Variants in CNOT3 observed in about 807,000 individuals in gnomAD.
CNOT3 encodes CCR4-NOT transcription complex subunit 3.
Under a neutral mutation model 89.4 loss-of-function variants are expected in CNOT3, and 2 were observed. The ratio of observed to expected loss-of-function variants is 0.02; its 90% CI spans 0.01 to 0.07. CNOT3 has a LOEUF of 0.07. CNOT3 is among the 10% of genes least tolerant of loss of function. The pLI, the probability that CNOT3 is intolerant of heterozygous loss-of-function variation, is 1.00. For missense variants in CNOT3, 664 were observed against 1,010.2 expected (o/e 0.66, Z 4.65); for synonymous variants, 486 against 402.0 (o/e 1.21, Z -2.50).
At position 54,145,370 on chromosome 19, in the gene CNOT3, A is replaced by C. The variant is rs182401992; in HGVS notation, c.484-228A>C. ...TTTCCAAGGACTCCTGGAGCCAGAA[A>C]GGTGTGGGGAGAGGAGGGAGCAGTG... On this transcript the variant is annotated intron_variant, in intron 7 of 17. Transcript: ENST00000221232. The surrounding 1 kb of genome is among the most constrained non-coding windows in gnomAD (Gnocchi z 5.9). Among the ~76,000 whole-genome samples, 1 of 152,088 alleles carries C rather than the reference A, an allele frequency of 6.6e-6. No homozygotes were observed. Among genetic ancestry groups the C allele is most frequent in the Non-Finnish European group, 1.5e-5 (1 of 67,994 alleles).
chr19:54,138,874 C>G (rs2074333605), intron 1 of CNOT3, among the ~76,000 whole-genome samples: 2 of 152,210 alleles, frequency 1.3e-5, no homozygotes, highest in African/African-American at 2.4e-5. Context: ...TGGCCCACGT[C>G]TGGTCTCAGC....
intron 2 of CNOT3, 53 bp from the exon 3 acceptor site, chr19:54,143,066 T>A: frequency 6.2e-7 from 1 of 1,612,582 alleles, no homozygotes; most frequent in Non-Finnish European, 8.5e-7. Context: ...GACTGCTCTT[T>A]AGATACCTGC....
rs760806233 is a variant in CNOT3, at chr19:54,155,411, C to T, written c.*4C>T. The T allele has an allele frequency of 1.5e-5, 23 of 1,577,218 alleles. No individual in the cohort carries two copies. Among genetic ancestry groups the T allele is most frequent in the South Asian group, 1.1e-4 (10 of 88,158 alleles). ...GGAGGACCGGGACCTCCAGTGACAC[C>T]GGCCCCTCCCTCTACCCACCCCCTT... is the stretch of plus-strand genomic sequence containing the variant. On this transcript the variant is annotated 3_prime_UTR_variant, in exon 18 of 18. Coordinates refer to ENST00000221232, the MANE Select transcript of CNOT3 (RefSeq NM_014516.4).
intron 1 of CNOT3, among the ~76,000 whole-genome samples, chr19:54,140,179 CTCT>C (rs2074390405): frequency 6.6e-6 from 1 of 152,134 alleles, no homozygotes; most frequent in Non-Finnish European, 1.5e-5. Context: ...GTCTGGGGGG[CTCT>C]TCTTTACTGG....
rs369624326 is a variant in CNOT3, at chr19:54,144,228, C to T, written c.388-9C>T. The T allele has an allele frequency of 5.3e-5, 85 of 1,613,742 alleles. 1 individual carries two copies. Among genetic ancestry groups the T allele is most frequent in the East Asian group, 4.5e-4 (20 of 44,882 alleles). Reference sequence around the variant, plus strand: ...GCTGATGGGCTTCCTCTTCCTCTCCCTCCCCTAGAATACCATCGACACGCT... The same window carrying T: ...GCTGATGGGCTTCCTCTTCCTCTCCTTCCCCTAGAATACCATCGACACGCT... On this transcript the variant is annotated splice_polypyrimidine_tract_variant and intron_variant, in intron 6 of 17. Transcript: ENST00000221232. This position sits in a 1 kb window ranked among gnomAD's most constrained non-coding sequence, Gnocchi z 4.8.
At position 54,155,395 on chromosome 19, in the gene CNOT3, G is replaced by A. The variant is rs375477973; in HGVS notation, c.2250G>A (p.Arg750=). The part of the protein sequence containing the change: ...FTFEYRYLED[R]DLQ ...TTGAGTACCGCTACCTGGAGGACCG[G>A]GACCTCCAGTGACACCGGCCCCTCC... Residue 750 remains arginine (R), a synonymous_variant, in exon 18 of 18, where the codon CGG becomes CGA. Transcript: ENST00000221232. 28 of 1,606,940 alleles carry A rather than the reference G, an allele frequency of 1.7e-5. No individual in the cohort carries two copies. Among genetic ancestry groups the A allele is most frequent in the Non-Finnish European group, 2.0e-5 (24 of 1,175,420 alleles).
At chr19:54,142,845 C>T (rs2074507978) in intron 1 of CNOT3, 84 bp from the exon 2 acceptor site, 2 of 852,556 alleles carry the variant, frequency 2.3e-6, no homozygotes, top group Non-Finnish European at 3.9e-6. Context: ...TCCCACCTAC[C>T]TCACTATGCT....
chr19:54,145,461 T>C lies in CNOT3; in HGVS notation c.484-137T>C. On this transcript the variant is annotated intron_variant, in intron 7 of 17. Transcript: ENST00000221232. This position sits in a 1 kb window ranked among gnomAD's most constrained non-coding sequence, Gnocchi z 5.9. ...CTCAGAGGGTGGGTGGACCCCATAC[T>C]GCCCCACCCCGAAGGGGATGGCGTG... 1.5e-6 allele frequency: 1 copy of C among 645,282 alleles called. No homozygotes were observed. 40.0% of individuals were successfully genotyped at this position (645,282 alleles called of 1,614,324 possible). A position where few individuals can be genotyped will look rare whatever the true frequency, so the allele number is the denominator to read the frequency against.
At position 54,145,678 on chromosome 19, in the gene CNOT3, C is replaced by T; in HGVS notation, c.564C>T (p.Arg188=). The T allele has an allele frequency of 1.9e-6, 3 of 1,613,444 alleles. No individual in the cohort carries two copies. Among genetic ancestry groups the T allele is most frequent in the Non-Finnish European group, 8.5e-7 (1 of 1,179,390 alleles). Residue 188 remains arginine, a synonymous_variant, in exon 8 of 18, where the codon CGC becomes CGT. Transcript: ENST00000221232. The surrounding 1 kb of genome is among the most constrained non-coding windows in gnomAD (Gnocchi z 5.9). ...TGCGCATGCTAGAGACCATCCTGCG[C>T]ATGCTGGACAATGACTCCATCCTCG... ...YHVRMLETIL[R]MLDNDSILVD... is the part of the protein sequence containing the mutation.
intron 17 of CNOT3, chr19:54,154,165 G>A: frequency 3.7e-6 from 2 of 536,704 alleles, no homozygotes; most frequent in South Asian, 1.7e-5. Flanking sequence ...TTCCCAGTAT[G>A]TGTCCCTGCA....
intron 13 of CNOT3, 41 bp downstream of exon 13, chr19:54,149,799 T>A: frequency 6.6e-7 from 1 of 1,512,848 alleles, no homozygotes. Flanking sequence ...GTGTCCTGAC[T>A]CTGTTGTTTC....
At chr19:54,154,294 A>G (rs2075303380) in intron 17 of CNOT3, 1 of 330,956 alleles carries the variant, frequency 3.0e-6, no homozygotes, top group South Asian at 2.4e-5. Flanking sequence ...GGGCTTCTCA[A>G]GTTCTAATAC....
In CNOT3 at chr19:54,145,541, G is replaced by A; in HGVS notation, c.484-57G>A. On this transcript the variant is annotated intron_variant, in intron 7 of 17. Transcript: ENST00000221232. This position sits in a 1 kb window ranked among gnomAD's most constrained non-coding sequence, Gnocchi z 5.9. ...ACTGAGGACAGGTTCTGTGGGGGCAGGAGGGGCCAAGCAGGTGCTCTGCAG... is the reference window on the plus strand; with the variant it reads ...ACTGAGGACAGGTTCTGTGGGGGCAAGAGGGGCCAAGCAGGTGCTCTGCAG... 8.1e-7 allele frequency: 1 copy of A among 1,230,970 alleles called. No homozygotes were observed. The highest frequency in any genetic ancestry group is 1.2e-6 in the Non-Finnish European group (1 of 839,850). The allele number at this position is 1,230,970 out of a possible 1,614,324, so 76.3% of individuals were successfully genotyped here. A position where few individuals can be genotyped will look rare whatever the true frequency, so the allele number is the denominator to read the frequency against.
In CNOT3 at chr19:54,149,678, A is replaced by G. The variant is rs772949468; in HGVS notation, c.1525A>G (p.Thr509Ala). 26 of 1,613,916 alleles carry G rather than the reference A, an allele frequency of 1.6e-5. No individual in the cohort carries two copies. Among genetic ancestry groups the G allele is most frequent in the East Asian group, 1.1e-4 (5 of 44,880 alleles). Residue 509 changes from threonine to alanine, a missense_variant, in exon 13 of 18, where the codon ACG (threonine) becomes GCG (alanine). Coordinates refer to ENST00000221232, the MANE Select transcript of CNOT3 (RefSeq NM_014516.4). Reference sequence around the variant, plus strand: ...GCCTGTGAATCCTCCCAGCTCCCCAACGCCCAGCTTCAGTGATGCCAAGGC... The same window carrying G: ...GCCTGTGAATCCTCCCAGCTCCCCAGCGCCCAGCTTCAGTGATGCCAAGGC... ...PLPVNPPSSP[T>A]PSFSDAKAAG...
At position 54,155,516 on chromosome 19, in the gene CNOT3, C is replaced by A; in HGVS notation, c.*109C>A. The stretch of plus-strand genomic sequence containing the variant: ...GGGAGGCCCCAAGCCACGGGGCATC[C>A]CCCTCTCCCAGGAAGCAGGGAGGGG... On this transcript the variant is annotated 3_prime_UTR_variant, in exon 18 of 18. Coordinates refer to ENST00000221232, the MANE Select transcript of CNOT3 (RefSeq NM_014516.4). 1 of 930,246 alleles carries A rather than the reference C, an allele frequency of 1.1e-6. No individual in the cohort carries two copies. Among genetic ancestry groups the A allele is most frequent in the Non-Finnish European group, 1.6e-6 (1 of 625,196 alleles). The allele number at this position is 930,246 out of a possible 1,614,324, so 57.6% of individuals were successfully genotyped here.
chr19:54,149,577 C>A lies in CNOT3; in HGVS notation c.1424C>A (p.Ala475Glu). Reference protein sequence around the residue: ...PPSTSKEPSAAAPTGAGGVAP... With the variant: ...PPSTSKEPSAEAPTGAGGVAP... ...CTCTCCAGGAAGGAACCCAGTGCGG[C>A]AGCCCCAACGGGGGCTGGGGGCGTG... Residue 475 changes from alanine to glutamate, a missense_variant, in exon 13 of 18, where the codon GCA becomes GAA. This residue lies in a region of CNOT3 where 545 missense variants were observed against 566.2 expected (regional missense o/e 0.96). Coordinates refer to ENST00000221232, the MANE Select transcript of CNOT3 (RefSeq NM_014516.4). 1 of 1,595,620 alleles carries A rather than the reference C, an allele frequency of 6.3e-7. No homozygotes were observed. Among genetic ancestry groups the A allele is most frequent in the Non-Finnish European group, 8.6e-7 (1 of 1,169,492 alleles).
At chr19:54,150,411 G>A (rs1467658088) in intron 13 of CNOT3, among the ~76,000 whole-genome samples, 1 of 152,182 alleles carries the variant, frequency 6.6e-6, no homozygotes, top group East Asian at 1.9e-4. Flanking sequence ...GGAGAGAGGT[G>A]TCCACTCTGC....
At chr19:54,146,768 G>C in intron 10 of CNOT3, 111 bp downstream of exon 10, 6 of 759,864 alleles carry the variant, frequency 7.9e-6, no homozygotes, top group Non-Finnish European at 1.5e-5. Flanking sequence ...GACACAGGTG[G>C]CTCAGAAATC....
Position 54,153,980 on chromosome 19 carries a change from C to T in CNOT3, c.2163+140C>T, listed in dbSNP as rs1449124047. 14 of 1,061,600 alleles carry T rather than the reference C, an allele frequency of 1.3e-5. No homozygotes were observed. The East Asian group carries it at 3.2e-4, about 24-fold the overall frequency. 65.8% of individuals were successfully genotyped at this position (1,061,600 alleles called of 1,614,324 possible). ...CCTCAGCCTGACCAAGTACTCCTCC[C>T]TCTGGCTGTCTGCTCAGCCTGGAAC... On this transcript the variant is annotated intron_variant, in intron 17 of 17. Coordinates refer to ENST00000221232, the MANE Select transcript of CNOT3 (RefSeq NM_014516.4).
Sources: allele counts gnomAD v4.1 joint callset (sites outside exome capture counted in the v4.1 genomes callset), GRCh38; gene constraint gnomAD v4.1.1; regional missense constraint gnomAD v4.1.1; non-coding constraint Gnocchi (gnomAD v3.1); transcripts MANE v1.5; gene names NCBI Gene and HGNC (gene_info 2026-07-23, HGNC 2026-07-21).